CDKN2B-AS1: variants seen among roughly 807,000 people sequenced by gnomAD.
CDKN2B-AS1 encodes CDKN2B antisense RNA 1 (non-protein coding).
At chr9:22,086,210 T>A (rs1399945086) in intron 4 of CDKN2B-AS1, among the ~76,000 whole-genome samples, 1 of 152,182 alleles carries the variant, frequency 6.6e-6, no homozygotes, top group East Asian at 1.9e-4. Flanking sequence ...CCCAAGGAGC[T>A]TGATCAGTGT....
chr9:22,050,396 G>A (rs759055647), intron 3 of CDKN2B-AS1, among the ~76,000 whole-genome samples: 6 of 152,196 alleles, frequency 3.9e-5, no homozygotes, highest in Non-Finnish European at 8.8e-5. Context: ...GATGACTGTG[G>A]AAGTGAAGTA....
At chr9:22,078,899 C>G (rs569884994) in intron 4 of CDKN2B-AS1, among the ~76,000 whole-genome samples, 25 of 152,060 alleles carry the variant, frequency 1.6e-4, no homozygotes, top group Non-Finnish European at 1.5e-5. Context: ...TTGGGTTTCC[C>G]CATTGTCTGG....
chr9:22,027,870 A>G lies in CDKN2B-AS1; in HGVS notation n.30-18881A>G, dbSNP rs1822305843. Among the ~76,000 whole-genome samples the G allele has an allele frequency of 2.6e-5, 4 of 152,200 alleles. 1 individual carries two copies. The highest frequency in any genetic ancestry group is 9.7e-5 in the African/African-American group (4 of 41,450). ...TGAAATAAATTGAAAAAGAAATGTG[A>G]AGGAATAATTAAAAGAGGCTATATT... On this transcript the variant is annotated intron_variant and non_coding_transcript_variant, in intron 1 of 4. Coordinates refer to ENST00000650946, the Ensembl canonical transcript of CDKN2B-AS1.
chr9:22,101,086 A>G (rs1825467052), intron 4 of CDKN2B-AS1, among the ~76,000 whole-genome samples: 2 of 152,174 alleles, frequency 1.3e-5, no homozygotes, highest in Admixed American at 1.3e-4. Flanking sequence ...AAAGAGATGC[A>G]TTTATTTCTG....
At chr9:22,009,069 C>T in intron 1 of CDKN2B-AS1, 3 of 1,457,956 alleles carry the variant, frequency 2.1e-6, no homozygotes, top group Middle Eastern at 2.3e-4. Context: ...CCTAGGAGAC[C>T]TGGGCTCAGC....
chr9:22,120,849 C>G (rs1400056491), intron 4 of CDKN2B-AS1: 1 of 151,872 alleles, frequency 6.6e-6, no homozygotes. Flanking sequence ...TAATGCTTAC[C>G]TAGTGCCAGA....
intron 2 of CDKN2B-AS1, among the ~76,000 whole-genome samples, chr9:22,047,690 A>G (rs1032667025): frequency 6.6e-6 from 1 of 152,218 alleles, no homozygotes; most frequent in African/African-American, 2.4e-5. Context: ...CAAAGACTAT[A>G]GAACCAAATA....
At chr9:22,086,898 T>G (rs879928562) in intron 4 of CDKN2B-AS1, among the ~76,000 whole-genome samples, 1 of 152,242 alleles carries the variant, frequency 6.6e-6, no homozygotes, top group East Asian at 1.9e-4. Context: ...TTTTCCAACA[T>G]TAATTATCAG....
chr9:22,049,695 A>G (rs899450113), intron 3 of CDKN2B-AS1, among the ~76,000 whole-genome samples: 2 of 152,228 alleles, frequency 1.3e-5, no homozygotes, highest in African/African-American at 4.8e-5. Context: ...CTGAAGTAAG[A>G]CAGACCTGAG....
At chr9:22,088,330 T>A (rs1824937288) in intron 4 of CDKN2B-AS1, among the ~76,000 whole-genome samples, 2 of 152,196 alleles carry the variant, frequency 1.3e-5, no homozygotes, top group Admixed American at 1.3e-4. Context: ...ATTCTCTCCA[T>A]GTCAGTGGTA....
intron 4 of CDKN2B-AS1, among the ~76,000 whole-genome samples, chr9:22,080,365 C>G (rs972365735): frequency 6.6e-6 from 1 of 152,216 alleles, no homozygotes; most frequent in Non-Finnish European, 1.5e-5. Flanking sequence ...TCCGTGTTCA[C>G]TATGATCAAG....
In CDKN2B-AS1 at chr9:22,005,554, T is replaced by C. The variant is rs932422554; in HGVS notation, n.29+10393T>C. 36 of 384,054 alleles carry C rather than the reference T, an allele frequency of 9.4e-5. No homozygotes were observed. Among genetic ancestry groups the C allele is most frequent in the African/African-American group, 6.6e-4 (33 of 49,744 alleles). 23.8% of individuals were successfully genotyped at this position (384,054 alleles called of 1,614,324 possible). A position where few individuals can be genotyped will look rare whatever the true frequency, so the allele number is the denominator to read the frequency against. On this transcript the variant is annotated intron_variant and non_coding_transcript_variant, in intron 1 of 4. Transcript: ENST00000650946. The surrounding 1 kb of genome is among the most constrained non-coding windows in gnomAD (Gnocchi z 4.9). ...GTTCACCATAACTCCTCAGCAGACA[T>C]TGGAGTGAACGCATCGACTGCCGTC... is the stretch of plus-strand genomic sequence containing the variant.
chr9:22,054,182 A>G (rs539738444), intron 3 of CDKN2B-AS1, among the ~76,000 whole-genome samples: 8 of 152,342 alleles, frequency 5.3e-5, no homozygotes, highest in Non-Finnish European at 7.3e-5. Flanking sequence ...TTTCTATTTT[A>G]CAGATGAAGA....
At chr9:22,015,263 C>T (rs1267367995) in intron 1 of CDKN2B-AS1, among the ~76,000 whole-genome samples, 1 of 152,120 alleles carries the variant, frequency 6.6e-6, no homozygotes, top group Admixed American at 6.5e-5. Context: ...ACATCCTCTC[C>T]AGCACCTGTT....
At chr9:22,062,203 C>A (rs1201887714) in intron 4 of CDKN2B-AS1, among the ~76,000 whole-genome samples, 1 of 152,116 alleles carries the variant, frequency 6.6e-6, no homozygotes, top group Non-Finnish European at 1.5e-5. Flanking sequence ...TCAAGTGAAG[C>A]CTCCATAACC....
In CDKN2B-AS1 at chr9:21,997,296, A is replaced by G. The variant is rs571585019; in HGVS notation, n.29+2135A>G. 6.6e-6 allele frequency among the ~76,000 whole-genome samples: 1 copy of G among 152,326 alleles called. No homozygotes were observed. Among genetic ancestry groups the G allele is most frequent in the Admixed American group, 6.5e-5 (1 of 15,308 alleles). ...GTTGTGCTACAACTTTAGGACAGCTATGACATCACTAGGGGATAGGAATTT... is the reference window on the plus strand; with the variant it reads ...GTTGTGCTACAACTTTAGGACAGCTGTGACATCACTAGGGGATAGGAATTT... On this transcript the variant is annotated intron_variant and non_coding_transcript_variant, in intron 1 of 4. Transcript: ENST00000650946. The surrounding 1 kb of genome is among the most constrained non-coding windows in gnomAD (Gnocchi z 4.8).
chr9:22,117,032 T>A (rs1825968723), intron 4 of CDKN2B-AS1, among the ~76,000 whole-genome samples: 1 of 152,198 alleles, frequency 6.6e-6, no homozygotes, highest in Non-Finnish European at 1.5e-5. Flanking sequence ...GGGAATGACT[T>A]CTAATAATGA....
intron 1 of CDKN2B-AS1, among the ~76,000 whole-genome samples, chr9:22,045,743 C>G (rs935476161): frequency 1.3e-5 from 2 of 152,020 alleles, no homozygotes; most frequent in African/African-American, 4.8e-5. Context: ...TCACCAAAAA[C>G]TATGTTTATA....
At chr9:22,066,606 C>G (rs1265024064) in intron 4 of CDKN2B-AS1, among the ~76,000 whole-genome samples, 2 of 152,102 alleles carry the variant, frequency 1.3e-5, no homozygotes, top group Middle Eastern at 3.4e-3. Context: ...TACGAATGTC[C>G]TTTTCAAAAC....
Sources: gnomAD v4.1 joint callset for allele counts (sites outside exome capture counted in the v4.1 genomes callset) on GRCh38, gnomAD v4.1.1 for gene constraint, Gnocchi (gnomAD v3.1) non-coding constraint, MANE v1.5 for transcripts, NCBI Gene and HGNC (gene_info 2026-07-23, HGNC 2026-07-21) for gene names.